SH3BP4: variants seen among roughly 807,000 people sequenced by gnomAD.
SH3BP4 encodes the protein SH3 domain-binding protein 4.
In SH3BP4, 33 loss-of-function variants were observed where a neutral mutation model predicts 65.5. That is an observed-to-expected ratio of 0.50 (90% CI 0.38 to 0.67). The LOEUF (loss-of-function observed/expected upper bound fraction) is 0.67, where lower values mean the gene tolerates loss of function less well. Ranked by LOEUF, SH3BP4 falls within the 30% of genes least tolerant of loss-of-function variation. The probability of loss-of-function intolerance (pLI) is 0.00; values close to 1 mark genes in which losing one functional copy is unlikely to be tolerated. For missense variants in SH3BP4, 1,134 were observed against 1,261.4 expected (o/e 0.90, Z 1.53); for synonymous variants, 552 against 545.5 (o/e 1.01, Z -0.17).
chr2:234,993,825 A>T (rs1449394594), intron 1 of SH3BP4, among the ~76,000 whole-genome samples: 3 of 152,314 alleles, frequency 2.0e-5, no homozygotes, highest in Admixed American at 1.3e-4. Context: ...TCTGCCGAGA[A>T]TGGGGCCGCC....
chr2:234,986,484 A>C (rs10803630), intron 1 of SH3BP4, among the ~76,000 whole-genome samples: 1 of 152,170 alleles, frequency 6.6e-6, no homozygotes, highest in Non-Finnish European at 1.5e-5. Flanking sequence ...GGGAAAAGGA[A>C]ATGCAGGATT....
At chr2:235,002,199 T>C (rs1694124240) in intron 2 of SH3BP4, among the ~76,000 whole-genome samples, 1 of 152,198 alleles carries the variant, frequency 6.6e-6, no homozygotes, top group South Asian at 2.1e-4. Flanking sequence ...TCTGGGGCCA[T>C]CGTCAGATTT....
intron 2 of SH3BP4, among the ~76,000 whole-genome samples, chr2:234,998,645 G>A (rs915351991): frequency 5.9e-5 from 9 of 152,182 alleles, no homozygotes; most frequent in Admixed American, 5.2e-4. Flanking sequence ...TGTCACCACC[G>A]CCTCTCTCTC....
intron 1 of SH3BP4, among the ~76,000 whole-genome samples, chr2:234,988,686 T>C (rs1278374688): frequency 6.6e-6 from 1 of 152,116 alleles, no homozygotes; most frequent in Non-Finnish European, 1.5e-5. Context: ...CACTCGGTGC[T>C]GCGCGGGTGC....
At chr2:235,011,937 A>G (rs912206571) in intron 2 of SH3BP4, among the ~76,000 whole-genome samples, 1 of 152,144 alleles carries the variant, frequency 6.6e-6, no homozygotes, top group African/African-American at 2.4e-5. Flanking sequence ...TGGGATTCTG[A>G]GAGACAGGCA....
At position 235,054,369 on chromosome 2, in the gene SH3BP4, T is replaced by C. The variant is rs1156447341; in HGVS notation, c.*553T>C. The C allele has an allele frequency of 3.9e-5, 6 of 153,768 alleles. No homozygotes were observed. The highest frequency in any genetic ancestry group is 5.8e-5 in the Non-Finnish European group (4 of 69,026). 9.5% of individuals were successfully genotyped at this position (153,768 alleles called of 1,614,324 possible). A position where few individuals can be genotyped will look rare whatever the true frequency, so the allele number is the denominator to read the frequency against. ...CACGTGGGAAAAAGTGGCTTTTCAG[T>C]AAACGGGTACAGCTCATTCTTTCTG... On this transcript the variant is annotated 3_prime_UTR_variant, in exon 6 of 6. Coordinates refer to ENST00000392011, the MANE Select transcript of SH3BP4 (RefSeq NM_014521.3).
intron 2 of SH3BP4, among the ~76,000 whole-genome samples, chr2:235,009,235 C>T (rs1237544467): frequency 6.6e-6 from 1 of 152,198 alleles, no homozygotes; most frequent in Non-Finnish European, 1.5e-5. Flanking sequence ...CTGAGCTCTG[C>T]AGGTGCCATC....
At chr2:235,010,958 C>T (rs768743501) in intron 2 of SH3BP4, among the ~76,000 whole-genome samples, 2 of 148,822 alleles carry the variant, frequency 1.3e-5, no homozygotes, top group Non-Finnish European at 3.0e-5. Context: ...TCTCCTAGAA[C>T]CCTTCTTCCC....
Position 235,034,024 on chromosome 2 carries a change from A to G in SH3BP4, c.-132-847A>G, listed in dbSNP as rs1367885772. ...GCCAGTTTCTCTTGGAGAGCACATG[A>G]AATTCACTGCTTTGAAATCGGCTCG... On this transcript the variant is annotated intron_variant, in intron 2 of 5. Transcript: ENST00000392011. The surrounding 1 kb of genome is among the most constrained non-coding windows in gnomAD (Gnocchi z 6.2). Among the ~76,000 whole-genome samples, 1 of 152,116 alleles carries G rather than the reference A, an allele frequency of 6.6e-6. No homozygotes were observed. Among genetic ancestry groups the G allele is most frequent in the Non-Finnish European group, 1.5e-5 (1 of 68,016 alleles).
At chr2:235,024,902 G>A (rs147262448) in intron 2 of SH3BP4, among the ~76,000 whole-genome samples, 282 of 152,150 alleles carry the variant, frequency 1.9e-3, no homozygotes, top group African/African-American at 5.8e-3. Context: ...GGTGGGAGCC[G>A]GGAGTCTGAG....
At chr2:234,998,338 A>G (rs888765260) in intron 2 of SH3BP4, among the ~76,000 whole-genome samples, 1 of 151,874 alleles carries the variant, frequency 6.6e-6, no homozygotes, top group Non-Finnish European at 1.5e-5. Flanking sequence ...AGGTAAACAT[A>G]ATTTTTTTTC....
At chr2:234,988,754 G>A (rs1053574902) in intron 1 of SH3BP4, among the ~76,000 whole-genome samples, 4 of 152,194 alleles carry the variant, frequency 2.6e-5, no homozygotes, top group South Asian at 2.1e-4. Context: ...AAGCCGTTGC[G>A]GGTGCTGGGT....
At position 235,041,843 on chromosome 2, in the gene SH3BP4, C is replaced by T; in HGVS notation, c.1074C>T (p.Ala358=). The T allele has an allele frequency of 1.2e-6, 2 of 1,603,928 alleles. No homozygotes were observed. The highest frequency in any genetic ancestry group is 1.3e-5 in the African/African-American group (1 of 74,722). ...PGETQQISMK[A]LLDPPLELNS... ...AGACCCAGCAGATCTCCATGAAAGC[C>T]CTGCTGGACCCCCCGCTGGAGCTCA... is the stretch of plus-strand genomic sequence containing the variant. Residue 358 remains alanine, a synonymous_variant, in exon 4 of 6, where the codon GCC becomes GCT. Coordinates refer to ENST00000392011, the MANE Select transcript of SH3BP4 (RefSeq NM_014521.3). This position sits in a 1 kb window ranked among gnomAD's most constrained non-coding sequence, Gnocchi z 6.0.
intron 1 of SH3BP4, among the ~76,000 whole-genome samples, chr2:234,988,055 G>A (rs1574795299): frequency 6.6e-6 from 1 of 152,028 alleles, no homozygotes; most frequent in Non-Finnish European, 1.5e-5. Flanking sequence ...CATTTAGCTT[G>A]CCAGCCACAT....
chr2:234,974,400 G>A lies in SH3BP4; in HGVS notation c.-206-20903G>A, dbSNP rs953314746. ...ATAAATAAAAGAGAAAGAGAGATTT[G>A]TGAAGGTCATGAGTTCCAGCCCATT... On this transcript the variant is annotated intron_variant, in intron 1 of 5. Coordinates refer to ENST00000392011, the MANE Select transcript of SH3BP4 (RefSeq NM_014521.3). The surrounding 1 kb of genome is among the most constrained non-coding windows in gnomAD (Gnocchi z 4.6). Among the ~76,000 whole-genome samples the A allele has an allele frequency of 6.6e-6, 1 of 152,108 alleles. No individual in the cohort carries two copies. Among genetic ancestry groups the A allele is most frequent in the African/African-American group, 2.4e-5 (1 of 41,434 alleles).
At chr2:235,023,477 G>C (rs1006664243) in intron 2 of SH3BP4, among the ~76,000 whole-genome samples, 3 of 152,146 alleles carry the variant, frequency 2.0e-5, no homozygotes, top group Non-Finnish European at 4.4e-5. Flanking sequence ...AACCCGGGTG[G>C]TGGGGGTTGC....
chr2:234,971,772 T>C (rs1693008401), intron 1 of SH3BP4, among the ~76,000 whole-genome samples: 1 of 152,222 alleles, frequency 6.6e-6, no homozygotes, highest in East Asian at 1.9e-4. Context: ...TTCTTTAAAC[T>C]GCATTTATTA....
chr2:235,040,196 A>G (rs1374999614), intron 3 of SH3BP4, among the ~76,000 whole-genome samples: 1 of 152,212 alleles, frequency 6.6e-6, no homozygotes, highest in Non-Finnish European at 1.5e-5. Context: ...GATCATGTCA[A>G]TACATGCCAG....
intron 1 of SH3BP4, among the ~76,000 whole-genome samples, chr2:234,980,870 T>A (rs1205274726): frequency 6.6e-6 from 1 of 152,196 alleles, no homozygotes; most frequent in East Asian, 1.9e-4. Flanking sequence ...CCGTTTTTCT[T>A]ACTGAATTGT....
Sources: allele counts gnomAD v4.1 joint callset (sites outside exome capture counted in the v4.1 genomes callset), GRCh38; gene constraint gnomAD v4.1.1; non-coding constraint Gnocchi (gnomAD v3.1); transcripts MANE v1.5; gene names NCBI Gene and HGNC (gene_info 2026-07-23, HGNC 2026-07-21).